The following UBAC2 variants were observed in gnomAD, a reference collection of about 807,000 sequenced individuals.
The protein encoded by UBAC2 is UBA domain containing 2.
A neutral mutation model predicts 44.0 loss-of-function variants in UBAC2; 26 were observed. The ratio of observed to expected loss-of-function variants is 0.59; its 90% CI spans 0.43 to 0.82. The LOEUF (loss-of-function observed/expected upper bound fraction) is 0.82. Ranked by LOEUF, UBAC2 falls within the 40% of genes least tolerant of loss-of-function variation. UBAC2 has a pLI of 0.00. For missense variants in UBAC2, 329 were observed against 419.4 expected, an observed-to-expected ratio of 0.78 and a Z score of 1.88; for synonymous variants, 155 against 154.3, an observed-to-expected ratio of 1.00 and a Z score of -0.04.
chr13:99,266,258 T>G (rs2043742658), intron 4 of UBAC2, among the ~76,000 whole-genome samples: 1 of 152,036 alleles, frequency 6.6e-6, no homozygotes, highest in African/African-American at 2.4e-5. Flanking sequence ...TATGAATGTA[T>G]TCCTCTAAAA....
chr13:99,215,429 G>T, intron 1 of UBAC2: 1 of 1,342,442 alleles, frequency 7.4e-7, no homozygotes. Flanking sequence ...TGTGTGGAAT[G>T]ACACCACCAC....
intron 7 of UBAC2, among the ~76,000 whole-genome samples, chr13:99,345,744 T>TC (rs71740121): frequency 0.17 from 20,464 of 122,798 alleles, 1,738 homozygotes; most frequent in East Asian, 0.3. Flanking sequence ...TTTCTTTCTT[T>TC]TTTTTTTTTT....
chr13:99,240,432 ACT>A (rs967429116), intron 2 of UBAC2, among the ~76,000 whole-genome samples: 1 of 151,856 alleles, frequency 6.6e-6, no homozygotes, highest in African/African-American at 2.4e-5. Flanking sequence ...GTAATTACAA[ACT>A]CTCCATTTCC....
intron 7 of UBAC2, among the ~76,000 whole-genome samples, chr13:99,364,256 C>T (rs2045302485): frequency 6.6e-6 from 1 of 151,050 alleles, no homozygotes; most frequent in Middle Eastern, 3.4e-3. Flanking sequence ...TGTTTTCATA[C>T]CTATTGAGAT....
At chr13:99,366,370 C>T (rs1484514194) in intron 7 of UBAC2, among the ~76,000 whole-genome samples, 1 of 152,180 alleles carries the variant, frequency 6.6e-6, no homozygotes, top group African/African-American at 2.4e-5. Flanking sequence ...CCCACTGGAG[C>T]TTTAACTATA....
intron 2 of UBAC2, among the ~76,000 whole-genome samples, chr13:99,240,798 G>C (rs1425563060): frequency 6.6e-6 from 1 of 152,190 alleles, no homozygotes; most frequent in Non-Finnish European, 1.5e-5. Context: ...CTGGTGGCCA[G>C]TACAGTCATG....
At chr13:99,238,239 C>T (rs1231920393) in intron 1 of UBAC2, among the ~76,000 whole-genome samples, 188 bp from the exon 2 acceptor site, 1 of 152,152 alleles carries the variant, frequency 6.6e-6, no homozygotes, top group Non-Finnish European at 1.5e-5. Flanking sequence ...TGCTTGTTTC[C>T]AGTGTCTTTT....
At chr13:99,344,072 G>A (rs2044935283) in intron 7 of UBAC2, among the ~76,000 whole-genome samples, 3 of 152,184 alleles carry the variant, frequency 2.0e-5, no homozygotes, top group African/African-American at 7.2e-5. Context: ...CTCTTTATCA[G>A]TAAGAAGACC....
At chr13:99,312,538 C>T (rs1301030636) in intron 4 of UBAC2, among the ~76,000 whole-genome samples, 1 of 152,148 alleles carries the variant, frequency 6.6e-6, no homozygotes, top group Non-Finnish European at 1.5e-5. Flanking sequence ...AGTTGTAGCT[C>T]CTGTGCTGGG....
chr13:99,348,763 C>T (rs967411399), intron 7 of UBAC2, among the ~76,000 whole-genome samples: 18 of 152,186 alleles, frequency 1.2e-4, no homozygotes, highest in Non-Finnish European at 7.4e-5. Flanking sequence ...GTAATCCCAG[C>T]GCTTTGGGAG....
intron 4 of UBAC2, among the ~76,000 whole-genome samples, chr13:99,277,302 G>T (rs551354238): frequency 1.1e-4 from 17 of 152,258 alleles, no homozygotes; most frequent in African/African-American, 4.1e-4. Context: ...GAGGCAGGTA[G>T]ATCACCTGAG....
chr13:99,254,898 A>G lies in UBAC2; in HGVS notation c.389+10274A>G, dbSNP rs567962939. On this transcript the variant is annotated intron_variant, in intron 4 of 8. Transcript: ENST00000403766. ...TTATTCATAACATTTCACTGTTTAT[A>G]TTGCTTAGTGACCGTAGACTACCAG... 3.2e-5 allele frequency: 51 copies of G among 1,613,372 alleles called. No individual in the cohort carries two copies. In the South Asian group the frequency reaches 4.5e-4, roughly 14 times the overall value.
At chr13:99,298,114 C>A (rs1354614913) in intron 4 of UBAC2, among the ~76,000 whole-genome samples, 1 of 152,020 alleles carries the variant, frequency 6.6e-6, no homozygotes, top group Admixed American at 6.5e-5. Flanking sequence ...AATTCACAAC[C>A]ATGGTGGGAG....
intron 6 of UBAC2, among the ~76,000 whole-genome samples, chr13:99,326,116 G>GT (rs1229781110): frequency 6.6e-6 from 1 of 152,194 alleles, no homozygotes; most frequent in African/African-American, 2.4e-5. Context: ...CCTCCATACT[G>GT]TTTTCCATAG....
At chr13:99,380,002 G>C (rs924895884) in intron 8 of UBAC2, among the ~76,000 whole-genome samples, 1 of 152,218 alleles carries the variant, frequency 6.6e-6, no homozygotes, top group Admixed American at 6.5e-5. Context: ...GTGCTTGCGT[G>C]GGGGAGTCGG....
rs1410504235 is a variant in UBAC2 at position 99,385,503 on chromosome 13, G to A, written c.*168G>A. ...ACCGCAAGACTGTTGCCGTTTTAGT[G>A]TGGAGATAAGTTTGCCATTACATTA... is the stretch of plus-strand genomic sequence containing the variant. On this transcript the variant is annotated 3_prime_UTR_variant, in exon 9 of 9. Coordinates refer to ENST00000403766, the MANE Select transcript of UBAC2 (RefSeq NM_001144072.2). 5 of 568,098 alleles carry A rather than the reference G, an allele frequency of 8.8e-6. No individual in the cohort carries two copies. The highest frequency in any genetic ancestry group is 1.6e-5 in the Non-Finnish European group (5 of 317,078). The allele number at this position is 568,098 out of a possible 1,614,324, so 35.2% of individuals were successfully genotyped here.
In UBAC2 at chr13:99,382,867, C is replaced by T. The variant is rs549886593; in HGVS notation, c.928-2361C>T. Among the ~76,000 whole-genome samples the T allele has an allele frequency of 1.9e-3, 296 of 152,290 alleles. 2 individuals carry two copies. The highest frequency in any genetic ancestry group is 3.9e-3 in the Non-Finnish European group (265 of 68,018). ...AGGGCAGAGGGCAGAGACAGCAACA[C>T]AGCAGAACAAGCCACGGTACCCACA... On this transcript the variant is annotated intron_variant, in intron 8 of 8. Transcript: ENST00000403766.
chr13:99,255,974 C>G (rs1267825466), intron 4 of UBAC2: 2 of 1,157,406 alleles, frequency 1.7e-6, no homozygotes, highest in Non-Finnish European at 2.4e-6. Flanking sequence ...AACATTCTCC[C>G]ACTCAGCTTG....
At chr13:99,339,426 C>T (rs1446415869) in intron 6 of UBAC2, among the ~76,000 whole-genome samples, 2 of 152,116 alleles carry the variant, frequency 1.3e-5, no homozygotes, top group South Asian at 2.1e-4. Context: ...TGCTATAAGC[C>T]CTGTGAGAGT....
Sources: gnomAD v4.1 joint callset for allele counts (sites outside exome capture counted in the v4.1 genomes callset) on GRCh38, gnomAD v4.1.1 for gene constraint, MANE v1.5 for transcripts, NCBI Gene and HGNC (gene_info 2026-07-23, HGNC 2026-07-21) for gene names.